Variants in LIMS1 observed in about 807,000 individuals in gnomAD.
The protein encoded by LIMS1 is LIM and senescent cell antigen-like-containing domain protein 1.
Under a neutral mutation model 44.1 loss-of-function variants are expected in LIMS1, and 18 were observed. That is an observed-to-expected ratio of 0.41 (90% confidence interval 0.28 to 0.61). LIMS1 has a LOEUF of 0.61. LIMS1 is among the 20% of genes least tolerant of loss of function. The pLI is 0.32. For synonymous variants in LIMS1, 93 were observed against 149.1 expected (o/e 0.62, Z 2.74); for missense variants, 201 against 422.0 (o/e 0.48, Z 4.59).
At chr2:108,623,224 T>G (rs1688358468) in intron 1 of LIMS1, among the ~76,000 whole-genome samples, 1 of 152,092 alleles carries the variant, frequency 6.6e-6, no homozygotes, top group Non-Finnish European at 1.5e-5. Flanking sequence ...CTGGATTTTT[T>G]TTTTAATCAG....
chr2:108,576,264 AGTTTT>A (rs10628741), intron 1 of LIMS1, among the ~76,000 whole-genome samples: 3 of 151,980 alleles, frequency 2.0e-5, no homozygotes, highest in East Asian at 1.9e-4. Context: ...CAACTAAGCA[AGTTTT>A]GTTTTGTTTT....
intron 1 of LIMS1, among the ~76,000 whole-genome samples, chr2:108,566,541 T>C (rs1201202316): frequency 1.3e-5 from 2 of 152,188 alleles, no homozygotes; most frequent in East Asian, 1.9e-4. Context: ...AACCCTACTC[T>C]TTCCAGTGTA....
rs1685782477 is a variant in LIMS1, at chr2:108,578,959, T to C, written c.32+44365T>C. 2.0e-5 allele frequency among the ~76,000 whole-genome samples: 3 copies of C among 152,312 alleles called. No homozygotes were observed. In the South Asian group the frequency reaches 6.2e-4, roughly 32 times the overall value. ...AATGATGATGTAGGGATATCATTTT[T>C]TTGTTCCTCAAGAATAAATTTAGTC... is the stretch of plus-strand genomic sequence containing the variant. On this transcript the variant is annotated intron_variant, in intron 1 of 9. Transcript: ENST00000544547.
At chr2:108,551,951 G>GTATATATA (rs1236593437) in intron 1 of LIMS1, among the ~76,000 whole-genome samples, 30 of 128,338 alleles carry the variant, frequency 2.3e-4, no homozygotes, top group African/African-American at 3.3e-4. Flanking sequence ...GTGTGTGTGT[G>GTATATATA]TGTATATATA....
At chr2:108,680,449 A>G (rs915696943) in intron 8 of LIMS1, among the ~76,000 whole-genome samples, 8 of 148,044 alleles carry the variant, frequency 5.4e-5, no homozygotes, top group Admixed American at 1.4e-4. Flanking sequence ...AGGTGGGAGG[A>G]TCACTTGAGC....
chr2:108,571,888 C>T (rs1685492026), intron 1 of LIMS1, among the ~76,000 whole-genome samples: 1 of 152,052 alleles, frequency 6.6e-6, no homozygotes, highest in Admixed American at 6.6e-5. Context: ...CTCATTGAGC[C>T]CCAGCTGCTC....
At chr2:108,578,252 G>A (rs1188860817) in intron 1 of LIMS1, among the ~76,000 whole-genome samples, 4 of 152,126 alleles carry the variant, frequency 2.6e-5, no homozygotes, top group African/African-American at 7.2e-5. Context: ...AAAATTGCCT[G>A]TTAGTCACCA....
intron 1 of LIMS1, among the ~76,000 whole-genome samples, chr2:108,634,423 G>C (rs1476098398): frequency 6.6e-6 from 1 of 152,220 alleles, no homozygotes; most frequent in Non-Finnish European, 1.5e-5. Flanking sequence ...AAATTGTCCA[G>C]ACTGTTACTG....
In LIMS1 at chr2:108,607,139, C is replaced by T. The variant is rs1257035050; in HGVS notation, c.33-52466C>T. ...CCTTATAAAATAGGCCCAAGGGAGC[C>T]TGCTTGCCCCTTCCTGCATGTGAGG... On this transcript the variant is annotated intron_variant, in intron 1 of 9. Coordinates refer to ENST00000544547, the Ensembl canonical transcript of LIMS1. 3.6e-6 allele frequency: 5 copies of T among 1,387,622 alleles called. No homozygotes were observed. In the African/African-American group the frequency reaches 4.3e-5, roughly 12 times the overall value. 86.0% of individuals were successfully genotyped at this position (1,387,622 alleles called of 1,614,324 possible).
At chr2:108,557,396 GA>G (rs1684961861) in intron 1 of LIMS1, among the ~76,000 whole-genome samples, 3 of 150,932 alleles carry the variant, frequency 2.0e-5, no homozygotes, top group Non-Finnish European at 4.4e-5. Flanking sequence ...TAAGACTATA[GA>G]TTTTCATTGG....
intron 1 of LIMS1, among the ~76,000 whole-genome samples, chr2:108,597,957 G>T (rs959663089): frequency 7.9e-5 from 12 of 152,016 alleles, no homozygotes; most frequent in African/African-American, 2.9e-4. Flanking sequence ...CTCCCAAAGT[G>T]GTGGGATTAC....
At chr2:108,588,439 G>C (rs1451539960) in intron 1 of LIMS1, 1 of 985,386 alleles carries the variant, frequency 1.0e-6, no homozygotes. Context: ...AGTTAAATAA[G>C]AGTAGGAGCC....
chr2:108,590,578 G>A (rs568027176), intron 1 of LIMS1, among the ~76,000 whole-genome samples: 49 of 152,310 alleles, frequency 3.2e-4, no homozygotes, highest in Non-Finnish European at 5.7e-4. Context: ...CAAAAAGAGC[G>A]GGGAACCCCC....
intron 1 of LIMS1, among the ~76,000 whole-genome samples, chr2:108,614,961 T>C (rs1687851102): frequency 6.6e-6 from 1 of 152,184 alleles, no homozygotes; most frequent in Admixed American, 6.5e-5. Context: ...ACTGTTAGCT[T>C]GCAAGTAACT....
intron 1 of LIMS1, among the ~76,000 whole-genome samples, chr2:108,548,304 A>G (rs1684558246): frequency 6.6e-6 from 1 of 151,290 alleles, no homozygotes; most frequent in Non-Finnish European, 1.5e-5. Context: ...TTTTTTTTCA[A>G]TGCTGGCTAA....
intron 1 of LIMS1, among the ~76,000 whole-genome samples, chr2:108,547,450 G>A (rs1019467123): frequency 6.6e-6 from 1 of 152,162 alleles, no homozygotes; most frequent in Non-Finnish European, 1.5e-5. Context: ...TCATAGCTGG[G>A]CCCACAACAC....
At chr2:108,594,290 T>C (rs931045641) in intron 1 of LIMS1, among the ~76,000 whole-genome samples, 6 of 152,138 alleles carry the variant, frequency 3.9e-5, no homozygotes, top group Admixed American at 1.3e-4. Flanking sequence ...CAAAGAGGGT[T>C]GGAATCCAGA....
chr2:108,646,160 C>T (rs886409933), intron 1 of LIMS1, among the ~76,000 whole-genome samples: 1 of 152,068 alleles, frequency 6.6e-6, no homozygotes, highest in African/African-American at 2.4e-5. Context: ...GAACTCTTCA[C>T]CACAAATCAG....
intron 1 of LIMS1, among the ~76,000 whole-genome samples, chr2:108,614,940 A>G (rs1687850338): frequency 6.6e-6 from 1 of 152,306 alleles, no homozygotes; most frequent in African/African-American, 2.4e-5. Flanking sequence ...TCTGGTCTTC[A>G]GAATATCGGA....
Sources: gnomAD v4.1 joint callset for allele counts (sites outside exome capture counted in the v4.1 genomes callset) on GRCh38, gnomAD v4.1.1 for gene constraint, MANE v1.5 for transcripts, NCBI Gene and HGNC (gene_info 2026-07-23, HGNC 2026-07-21) for gene names.